The following RBM12B variants were observed in gnomAD, a reference collection of about 807,000 sequenced individuals.
RBM12B encodes the protein RNA binding motif protein 12B.
In RBM12B, 10 loss-of-function variants were observed where a neutral mutation model predicts 34.3. The ratio of observed to expected loss-of-function variants is 0.29; its 90% CI spans 0.18 to 0.49. The LOEUF (loss-of-function observed/expected upper bound fraction) is 0.49, where lower values mean the gene tolerates loss of function less well. Ranked by LOEUF, RBM12B falls within the 20% of genes least tolerant of loss-of-function variation. RBM12B has a pLI of 0.99. For missense variants in RBM12B, 1,139 were observed against 1,262.7 expected, an observed-to-expected ratio of 0.90 and a Z score of 1.48; for synonymous variants, 477 against 437.1, an observed-to-expected ratio of 1.09 and a Z score of -1.14.
chr8:93,736,965 C>G (rs56108220), intron 3 of RBM12B, among the ~76,000 whole-genome samples: 57,572 of 152,078 alleles, frequency 0.38, 11,674 homozygotes, highest in African/African-American at 0.51. Context: ...CCAGGCTTTG[C>G]AAGGCCAAGG....
Position 93,733,657 on chromosome 8 carries a change from A to G in RBM12B, c.2754T>C (p.Asn918=). 3 of 1,614,060 alleles carry G rather than the reference A, an allele frequency of 1.9e-6. No individual in the cohort carries two copies. Among genetic ancestry groups the G allele is most frequent in the Non-Finnish European group, 2.5e-6 (3 of 1,180,028 alleles). ...TAGGAGTTACTCTACCTGAACCACAATTTATTTTTGGATCAGGCATAAATC... is the reference window on the plus strand; with the variant it reads ...TAGGAGTTACTCTACCTGAACCACAGTTTATTTTTGGATCAGGCATAAATC... ...EGRFMPDPKI[N]CGSGRVTPIK... The change falls in exon 4 of 4, where the codon AAT becomes AAC. Residue 918 remains asparagine, a synonymous_variant. Coordinates refer to ENST00000520560, the MANE Select transcript of RBM12B (RefSeq NM_001377960.1).
At position 93,733,579 on chromosome 8, in the gene RBM12B, A is replaced by G; in HGVS notation, c.2832T>C (p.Phe944=). 8 of 1,613,594 alleles carry G rather than the reference A, an allele frequency of 5.0e-6. No homozygotes were observed. The highest frequency in any genetic ancestry group is 6.8e-6 in the Non-Finnish European group (8 of 1,179,626). The change falls in exon 4 of 4, where the codon TTT becomes TTC. Residue 944 remains phenylalanine, a synonymous_variant. Transcript: ENST00000520560. ...CAGGTATGATTCTGTAACCATGGAA[A>G]AAGTCTAAAATTTCATTCACATTAG... ...FKANVNEILD[F]FHGYRIIPDS...
rs1563653905 is a variant in RBM12B, at chr8:93,728,220, C to T, written c.*5185G>A. The stretch of plus-strand genomic sequence containing the variant: ...CTTTTAACAGGTATCCACTTGTCGA[C>T]TAAGAAAGGATCAACAAGCAGAAGA... On this transcript the variant is annotated 3_prime_UTR_variant, in exon 4 of 4. Coordinates refer to ENST00000520560, the MANE Select transcript of RBM12B (RefSeq NM_001377960.1). 2 of 1,587,902 alleles carry T rather than the reference C, an allele frequency of 1.3e-6. No homozygotes were observed. Among genetic ancestry groups the T allele is most frequent in the Admixed American group, 3.6e-5 (2 of 55,028 alleles).
rs879142977 is a variant in RBM12B at position 93,734,452 on chromosome 8, T to C, written c.1959A>G (p.Gln653=). The change falls in exon 4 of 4, where the codon CAA becomes CAG. Residue 653 remains glutamine, a synonymous_variant. Coordinates refer to ENST00000520560, the MANE Select transcript of RBM12B (RefSeq NM_001377960.1). ...FRQLPEEDFR[Q]PPEEDLRWLP... is the part of the protein sequence containing the mutation. The stretch of plus-strand genomic sequence containing the variant: ...GCCACCTTAAGTCCTCCTCAGGGGG[T>C]TGCCTGAAGTCCTCCTCGGGGAGCT... 5.6e-6 allele frequency: 9 copies of C among 1,598,760 alleles called. No homozygotes were observed. Among genetic ancestry groups the C allele is most frequent in the Non-Finnish European group, 7.7e-6 (9 of 1,172,982 alleles).
At position 93,733,561 on chromosome 8, in the gene RBM12B, G is replaced by A; in HGVS notation, c.2850C>T (p.Ile950=). Residue 950 remains isoleucine (I), a synonymous_variant, in exon 4 of 4, where the codon ATC becomes ATT. Transcript: ENST00000520560. ...EILDFFHGYR[I]IPDSVSIQYN... ...ACTGTATCGAAACTGAATCAGGTAT[G>A]ATTCTGTAACCATGGAAAAAGTCTA... 1 of 1,613,602 alleles carries A rather than the reference G, an allele frequency of 6.2e-7. No individual in the cohort carries two copies. The highest frequency in any genetic ancestry group is 8.5e-7 in the Non-Finnish European group (1 of 1,179,678).
chr8:93,728,294 G>C lies in RBM12B; in HGVS notation c.*5111C>G. 6.4e-7 allele frequency: 1 copy of C among 1,564,716 alleles called. No individual in the cohort carries two copies. Among genetic ancestry groups the C allele is most frequent in the South Asian group, 1.2e-5 (1 of 84,388 alleles). On this transcript the variant is annotated 3_prime_UTR_variant, in exon 4 of 4. Coordinates refer to ENST00000520560, the MANE Select transcript of RBM12B (RefSeq NM_001377960.1). ...TTACAGAAGAAGAAAATTTTCTTAA[G>C]TAAACTACACATTTCCATTTTCATC...
At chr8:93,740,536 A>C in intron 2 of RBM12B, 93 bp downstream of exon 2, 1 of 456,894 alleles carries the variant, frequency 2.2e-6, no homozygotes, top group South Asian at 1.5e-5. Context: ...GATCTAACTG[A>C]AAACACTTGC....
rs769581231 is a variant in RBM12B at position 93,734,269 on chromosome 8, GTCCTCCTCAGGGGAATGCCTGAAA to G, written c.2118_2141del (p.His709_Arg716del). ...AATGCTCCTGGGGTGACTGCCTGAA[GTCCTCCTCAGGGGAATGCCTGAAA>G]TCCTCCTCTGGGGGCCGCCTGAAGT... On this transcript the variant is annotated inframe_deletion, in exon 4 of 4. Coordinates refer to ENST00000520560, the MANE Select transcript of RBM12B (RefSeq NM_001377960.1). 8 of 1,613,632 alleles carry G rather than the reference GTCCTCCTCAGGGGAATGCCTGAAA, an allele frequency of 5.0e-6. No individual in the cohort carries two copies. In the East Asian group the frequency reaches 8.9e-5, roughly 18 times the overall value.
At chr8:93,739,740 TA>T (rs1190963109) in intron 2 of RBM12B, among the ~76,000 whole-genome samples, 1 of 152,232 alleles carries the variant, frequency 6.6e-6, no homozygotes, top group Admixed American at 6.5e-5. Flanking sequence ...TTGAAGACAA[TA>T]ATCTGTTAAA....
At chr8:93,739,357 G>A (rs1812121116) in intron 2 of RBM12B, among the ~76,000 whole-genome samples, 1 of 152,156 alleles carries the variant, frequency 6.6e-6, no homozygotes, top group Non-Finnish European at 1.5e-5. Flanking sequence ...TTTTAACCAA[G>A]TAGTTTCATG....
rs1279107397 is a variant in RBM12B at position 93,729,353 on chromosome 8, C to T, written c.*4052G>A. 1 of 152,058 alleles carries T rather than the reference C, an allele frequency of 6.6e-6. No individual in the cohort carries two copies. The highest frequency in any genetic ancestry group is 2.4e-5 in the African/African-American group (1 of 41,412). The allele number at this position is 152,058 out of a possible 1,614,324, so 9.4% of individuals were successfully genotyped here. A position where few individuals can be genotyped will look rare whatever the true frequency, so the allele number is the denominator to read the frequency against. On this transcript the variant is annotated 3_prime_UTR_variant, in exon 4 of 4. Transcript: ENST00000520560. ...GTACTTTTTTGTAAAATATTTAAAA[C>T]ATTTTAAAACCCTAAATTGATATTC... is the stretch of plus-strand genomic sequence containing the variant.
rs758027143 is a variant in RBM12B at position 93,734,646 on chromosome 8, G to A, written c.1765C>T (p.Arg589Trp). Residue 589 changes from arginine (R) to tryptophan (W), a missense_variant, in exon 4 of 4, where the codon CGG (arginine) becomes TGG (tryptophan). Coordinates refer to ENST00000520560, the MANE Select transcript of RBM12B (RefSeq NM_001377960.1). ...CGCCTGAAGTCCTCCTCAGAAGGCC[G>A]CCTGAAGTCTTCCTCCCTAGGTCGC... ...FRRPREEDFR[R>W]PSEEDFRRPW... 19 of 1,613,356 alleles carry A rather than the reference G, an allele frequency of 1.2e-5. No individual in the cohort carries two copies. The highest frequency in any genetic ancestry group is 4.4e-5 in the South Asian group (4 of 91,048).
In RBM12B at chr8:93,736,079, T is replaced by C. The variant is rs766745992; in HGVS notation, c.332A>G (p.Glu111Gly). Reference protein sequence around the residue: ...SGVDSLSNFIESVKEEASNSG... With the variant: ...SGVDSLSNFIGSVKEEASNSG... Reference sequence around the variant, plus strand: ...ATTACTTGCTTCTTCCTTAACAGACTCAATAAAATTAGACAGGCTGTCAAC... The same window carrying C: ...ATTACTTGCTTCTTCCTTAACAGACCCAATAAAATTAGACAGGCTGTCAAC... Residue 111 changes from glutamate to glycine, a missense_variant, in exon 4 of 4, where the codon GAG (glutamate) becomes GGG (glycine). Physicochemically the swap from Glu to Gly is moderately conservative, Grantham distance 98 (BLOSUM62 -2). Transcript: ENST00000520560. 3.7e-6 allele frequency: 6 copies of C among 1,614,062 alleles called. No homozygotes were observed. Among genetic ancestry groups the C allele is most frequent in the Non-Finnish European group, 5.1e-6 (6 of 1,180,036 alleles).
chr8:93,735,943 G>A lies in RBM12B; in HGVS notation c.468C>T (p.Tyr156=). ...GGTAAGGCAAACCTCGTAGAAACAA[G>A]TAAGGATTCTCGGCCTTCAATGGCC... ...KTRPLKAENP[Y]LFLRGLPYLV... Residue 156 remains tyrosine (Y), a synonymous_variant, in exon 4 of 4, where the codon TAC becomes TAT. Transcript: ENST00000520560. The A allele has an allele frequency of 1.2e-6, 2 of 1,614,186 alleles. No homozygotes were observed. The highest frequency in any genetic ancestry group is 1.7e-6 in the Non-Finnish European group (2 of 1,180,036).
Position 93,735,200 on chromosome 8 carries a change from A to T in RBM12B, c.1211T>A (p.Ile404Lys). Residue 404 changes from isoleucine (I) to lysine (K), a missense_variant, in exon 4 of 4, where the codon ATA becomes AAA. By Grantham distance (102) the Ile-to-Lys change is moderately radical. This residue lies in a region of RBM12B where 863 missense variants were observed against 869.5 expected (regional missense o/e 0.99). Coordinates refer to ENST00000520560, the MANE Select transcript of RBM12B (RefSeq NM_001377960.1). The part of the protein sequence containing the change: ...GNSGQKLCIY[I>K]RNFPFDVTKV... The stretch of plus-strand genomic sequence containing the variant: ...TGTAACATCAAATGGAAAATTTCTT[A>T]TATAGATGCACAGTTTCTGGCCAGA... 1 of 1,614,138 alleles carries T rather than the reference A, an allele frequency of 6.2e-7. No individual in the cohort carries two copies.
chr8:93,740,445 G>A (rs1183871421), intron 2 of RBM12B, 184 bp downstream of exon 2: 2 of 457,274 alleles, frequency 4.4e-6, no homozygotes, highest in East Asian at 7.0e-5. Context: ...AACCTGGACC[G>A]CCCAACCTCC....
At chr8:93,740,792 T>C (rs1191103025) in intron 1 of RBM12B, 89 bp downstream of exon 1, 7 of 334,704 alleles carry the variant, frequency 2.1e-5, no homozygotes, top group Non-Finnish European at 3.5e-5. Flanking sequence ...CGGTCCCGCC[T>C]TTCCCCGTTC....
rs1203887035 is a variant in RBM12B, at chr8:93,734,060, T to G, written c.2351A>C (p.Gln784Pro). Residue 784 changes from glutamine to proline, a missense_variant, in exon 4 of 4, where the codon CAG (glutamine) becomes CCG (proline). This residue lies in a region of RBM12B where 863 missense variants were observed against 869.5 expected (regional missense o/e 0.99). Coordinates refer to ENST00000520560, the MANE Select transcript of RBM12B (RefSeq NM_001377960.1). ...PPPEHFRRPPQEHFRRPPQEH... is the reference protein window; with the variant it reads ...PPPEHFRRPPPEHFRRPPQEH... ...CTGAGGCGGCCGCCTGAAATGCTCC[T>G]GGGGCGGTCTCCGGAAGTGCTCCGG... is the stretch of plus-strand genomic sequence containing the variant. 1.4e-5 allele frequency: 22 copies of G among 1,584,962 alleles called. No individual in the cohort carries two copies. Among genetic ancestry groups the G allele is most frequent in the Admixed American group, 1.9e-5 (1 of 52,674 alleles).
Position 93,734,186 on chromosome 8 carries a change from G to A in RBM12B, c.2225C>T (p.Pro742Leu). 1 of 1,580,416 alleles carries A rather than the reference G, an allele frequency of 6.3e-7. No individual in the cohort carries two copies. The highest frequency in any genetic ancestry group is 8.6e-7 in the Non-Finnish European group (1 of 1,163,264). Residue 742 changes from proline to leucine, a missense_variant, in exon 4 of 4, where the codon CCA becomes CTA. By Grantham distance (98) the Pro-to-Leu change is moderately conservative. This residue lies in a region of RBM12B where 863 missense variants were observed against 869.5 expected (regional missense o/e 0.99). Transcript: ENST00000520560. ...RRPPPEHFRR[P>L]PPEHFRRPPP... ...AGGCCGCCTAAAATGCTCTGGAGGT[G>A]GTCTCCGGAAATGCTCTGGGGGTGG...
Sources: gnomAD v4.1 joint callset for allele counts (sites outside exome capture counted in the v4.1 genomes callset) on GRCh38, gnomAD v4.1.1 for gene constraint, gnomAD v4.1.1 regional missense constraint, MANE v1.5 for transcripts, NCBI Gene and HGNC (gene_info 2026-07-23, HGNC 2026-07-21) for gene names.